Variants in RBFOX1 observed in about 807,000 individuals in gnomAD.
RBFOX1 encodes the protein RNA binding fox-1 homolog 1.
A neutral mutation model predicts 57.7 loss-of-function variants in RBFOX1; 8 were observed. The observed-to-expected ratio is 0.14, with a 90% CI of 0.08 to 0.25. The LOEUF is 0.25. Ranked by LOEUF, RBFOX1 falls within the 10% of genes least tolerant of loss-of-function variation. RBFOX1 has a pLI of 1.00. For missense variants in RBFOX1, 611 were observed against 548.5 expected (o/e 1.11, Z -1.14); for synonymous variants, 326 against 222.4 (o/e 1.47, Z -4.15).
At position 5,852,790 on chromosome 16, in the gene RBFOX1, A is replaced by G. The variant is rs187394623; in HGVS notation, c.319-14513A>G. Among the ~76,000 whole-genome samples the G allele has an allele frequency of 4.1e-4, 62 of 152,072 alleles. 1 individual carries two copies. The highest frequency in any genetic ancestry group is 1.4e-3 in the African/African-American group (57 of 41,478). ...GGCTGCAGTGAGTTATGATTGTACCACTGCTCTCCAGCCTGGGTGACAGAG... is the reference window on the plus strand; with the variant it reads ...GGCTGCAGTGAGTTATGATTGTACCGCTGCTCTCCAGCCTGGGTGACAGAG... On this transcript the variant is annotated intron_variant, in intron 3 of 19. Coordinates refer to the RBFOX1 transcript ENST00000641259.
At chr16:6,999,453 G>C (rs1431243035) in intron 3 of RBFOX1, among the ~76,000 whole-genome samples, 2 of 150,876 alleles carry the variant, frequency 1.3e-5, no homozygotes, top group East Asian at 3.9e-4. Flanking sequence ...TTTTTTATTT[G>C]AGACGGAGTC....
At chr16:6,057,890 C>T (rs1232637672) in intron 1 of RBFOX1, among the ~76,000 whole-genome samples, 1 of 131,372 alleles carries the variant, frequency 7.6e-6, no homozygotes, top group African/African-American at 3.0e-5. Flanking sequence ...AAGTAGGCAA[C>T]CGCTCAGTTG....
intron 4 of RBFOX1, among the ~76,000 whole-genome samples, chr16:5,961,756 G>A (rs1191778453): frequency 1.3e-5 from 2 of 151,992 alleles, no homozygotes; most frequent in Non-Finnish European, 2.9e-5. Context: ...TCAAACTCCC[G>A]GCCTCAAGCA....
chr16:5,345,435 G>A (rs1480414382), intron 1 of RBFOX1, among the ~76,000 whole-genome samples: 1 of 152,184 alleles, frequency 6.6e-6, no homozygotes, highest in East Asian at 1.9e-4. Flanking sequence ...GCAGACATGT[G>A]GCCAGGGAGA....
At chr16:6,484,573 G>C (rs1161444666) in intron 2 of RBFOX1, among the ~76,000 whole-genome samples, 1 of 152,170 alleles carries the variant, frequency 6.6e-6, no homozygotes, top group African/African-American at 2.4e-5. Context: ...TATACAGAGT[G>C]TCGAATGTGA....
At chr16:7,646,024 T>C (rs1285952842) in intron 11 of RBFOX1, among the ~76,000 whole-genome samples, 1 of 151,996 alleles carries the variant, frequency 6.6e-6, no homozygotes, top group Non-Finnish European at 1.5e-5. Context: ...TCCATTTTTG[T>C]TTGGAGCTAG....
At chr16:6,792,619 C>G (rs118069357) in intron 3 of RBFOX1, among the ~76,000 whole-genome samples, 6,854 of 152,306 alleles carry the variant, frequency 0.045, 231 homozygotes, top group Middle Eastern at 0.075. Flanking sequence ...AAAAAGCCTT[C>G]ATGTAACATT....
intron 1 of RBFOX1, among the ~76,000 whole-genome samples, chr16:6,238,111 A>G (rs923250972): frequency 3.4e-5 from 5 of 145,236 alleles, no homozygotes; most frequent in Non-Finnish European, 7.5e-5. Flanking sequence ...AAAAAAAAAA[A>G]GAAAGAAAAG....
chr16:5,715,653 A>T (rs1596922341), intron 3 of RBFOX1, among the ~76,000 whole-genome samples: 1 of 152,182 alleles, frequency 6.6e-6, no homozygotes, highest in South Asian at 2.1e-4. Context: ...AGGTCAAGGC[A>T]TGAAGGCTAA....
Position 5,660,510 on chromosome 16 carries a change from C to T in RBFOX1, c.318+61549C>T, listed in dbSNP as rs140074252. ...TGAATGCCATACGTTGTGTGTGATGCGTTCTTTTAGGTTTATTAAATCACC... is the reference window on the plus strand; with the variant it reads ...TGAATGCCATACGTTGTGTGTGATGTGTTCTTTTAGGTTTATTAAATCACC... On this transcript the variant is annotated intron_variant, in intron 3 of 19. Coordinates refer to the RBFOX1 transcript ENST00000641259. 3.6e-3 allele frequency among the ~76,000 whole-genome samples: 555 copies of T among 152,220 alleles called. 5 individuals carry two copies. The highest frequency in any genetic ancestry group is 6.6e-3 in the Non-Finnish European group (447 of 68,016).
intron 1 of RBFOX1, among the ~76,000 whole-genome samples, chr16:6,206,481 C>T (rs1369104674): frequency 6.6e-6 from 1 of 152,142 alleles, no homozygotes; most frequent in East Asian, 1.9e-4. Context: ...ATCCGCTTTC[C>T]TCACCAAAAC....
intron 3 of RBFOX1, among the ~76,000 whole-genome samples, chr16:7,006,805 A>C (rs1266507131): frequency 6.6e-6 from 1 of 152,210 alleles, no homozygotes; most frequent in African/African-American, 2.4e-5. Flanking sequence ...AGCAAAGTTA[A>C]GTCACCTGCC....
At chr16:7,107,220 G>T (rs781302228) in intron 4 of RBFOX1, among the ~76,000 whole-genome samples, 1 of 152,164 alleles carries the variant, frequency 6.6e-6, no homozygotes, top group African/African-American at 2.4e-5. Flanking sequence ...TGAGTGGCTG[G>T]TGGGTATTAA....
intron 2 of RBFOX1, among the ~76,000 whole-genome samples, chr16:5,587,971 C>A (rs1200503009): frequency 6.6e-6 from 1 of 152,180 alleles, no homozygotes; most frequent in Non-Finnish European, 1.5e-5. Context: ...TGTCCATCAG[C>A]AGATTCGTGG....
intron 3 of RBFOX1, among the ~76,000 whole-genome samples, chr16:6,912,196 C>T (rs1389978806): frequency 1.3e-5 from 2 of 152,168 alleles, no homozygotes; most frequent in Non-Finnish European, 2.9e-5. Flanking sequence ...TAAATTCCCA[C>T]GTGGAGTAAT....
At chr16:6,287,166 C>T (rs991075480) in intron 1 of RBFOX1, among the ~76,000 whole-genome samples, 2 of 152,088 alleles carry the variant, frequency 1.3e-5, no homozygotes, top group African/African-American at 4.8e-5. Flanking sequence ...ACAAAAAACT[C>T]CATTTGAATG....
intron 5 of RBFOX1, among the ~76,000 whole-genome samples, chr16:7,550,640 A>G (rs914888122): frequency 5.9e-5 from 9 of 152,172 alleles, no homozygotes; most frequent in Non-Finnish European, 1.3e-4. Context: ...TGAAATAGGA[A>G]GCCTTAGAAA....
chr16:5,270,089 G>GT (rs1303802214), intron 1 of RBFOX1: 1 of 233,626 alleles, frequency 4.3e-6, no homozygotes, highest in African/African-American at 2.3e-5. Context: ...GATATCAGGA[G>GT]TTCAAGACCA....
At chr16:5,780,967 C>A (rs1239969142) in intron 3 of RBFOX1, among the ~76,000 whole-genome samples, 1 of 152,218 alleles carries the variant, frequency 6.6e-6, no homozygotes, top group African/African-American at 2.4e-5. Flanking sequence ...AAGCAGAACA[C>A]CCTTGCGGGG....
Sources: gnomAD v4.1 joint callset for allele counts (sites outside exome capture counted in the v4.1 genomes callset) on GRCh38, gnomAD v4.1.1 for gene constraint, MANE v1.5 for transcripts, NCBI Gene and HGNC (gene_info 2026-07-23, HGNC 2026-07-21) for gene names.